Variants in ECT2 observed in about 807,000 individuals in gnomAD.
ECT2 encodes protein ECT2.
In ECT2, 61 loss-of-function variants were observed where a neutral mutation model predicts 116.9. The ratio of observed to expected loss-of-function variants is 0.52; its 90% CI spans 0.42 to 0.65. The LOEUF (loss-of-function observed/expected upper bound fraction) is 0.65. Ranked by LOEUF, ECT2 falls within the 30% of genes least tolerant of loss-of-function variation. The probability of loss-of-function intolerance (pLI) is 0.00; values close to 1 mark genes in which losing one functional copy is unlikely to be tolerated. For missense variants in ECT2, 937 were observed against 1,078.7 expected (o/e 0.87, Z 1.84); for synonymous variants, 358 against 346.4 (o/e 1.03, Z -0.37).
rs1719404308 is a variant in ECT2, at chr3:172,766,440, G to A, written c.1291+1940G>A. Among the ~76,000 whole-genome samples the A allele has an allele frequency of 2.6e-5, 4 of 152,206 alleles. No individual in the cohort carries two copies. In the South Asian group the frequency reaches 8.3e-4, roughly 32 times the overall value. ...TGATTGAATAGATAATTCATAGAGA[G>A]TTGTTCTGAAGAATGATTAGAAGGA... On this transcript the variant is annotated intron_variant, in intron 12 of 24. Transcript: ENST00000392692.
chr3:172,803,953 C>G (rs756249379), intron 20 of ECT2, among the ~76,000 whole-genome samples: 1 of 151,890 alleles, frequency 6.6e-6, no homozygotes, highest in African/African-American at 2.4e-5. Flanking sequence ...TATAGACACT[C>G]GCCACCACAC....
At chr3:172,797,706 C>G (rs1342658668) in intron 18 of ECT2, among the ~76,000 whole-genome samples, 1 of 152,072 alleles carries the variant, frequency 6.6e-6, no homozygotes, top group Non-Finnish European at 1.5e-5. Flanking sequence ...TTTTTCTTTG[C>G]CTTTTTGATA....
In ECT2 at chr3:172,802,268, C is replaced by T. The variant is rs1726856862; in HGVS notation, c.1908-348C>T. On this transcript the variant is annotated intron_variant, in intron 18 of 24. Coordinates refer to ENST00000392692, the MANE Select transcript of ECT2 (RefSeq NM_001258315.2). Reference sequence around the variant, plus strand: ...AGCTGGGATTACAGGTGCCTGCCACCATACCCAGCTAATTTTTGTATTTTT... The same window carrying T: ...AGCTGGGATTACAGGTGCCTGCCACTATACCCAGCTAATTTTTGTATTTTT... 1.3e-5 allele frequency among the ~76,000 whole-genome samples: 2 copies of T among 152,020 alleles called. 1 individual carries two copies. Among genetic ancestry groups the T allele is most frequent in the South Asian group, 4.2e-4 (2 of 4,808 alleles).
chr3:172,798,643 T>A (rs978280706), intron 18 of ECT2, among the ~76,000 whole-genome samples: 2 of 152,138 alleles, frequency 1.3e-5, no homozygotes, highest in East Asian at 1.9e-4. Flanking sequence ...CTTAAGAAAA[T>A]CTCTCTCAAG....
chr3:172,769,007 A>G lies in ECT2; in HGVS notation c.1292A>G (p.Asp431Gly). ...NTPESSINYG[D>G]TPKSCTKSSK... is the part of the protein sequence containing the mutation. ...ATCTTTCCACCTTTTAACGTTTCAG[A>G]CACCCCAAAGTCTTGTACTAAGTCT... Residue 431 changes from aspartate (D) to glycine (G), a missense_variant and splice_region_variant, in exon 13 of 25, where the codon GAC (aspartate) becomes GGC (glycine). Transcript: ENST00000392692. The G allele has an allele frequency of 6.3e-7, 1 of 1,595,150 alleles. No individual in the cohort carries two copies. Among genetic ancestry groups the G allele is most frequent in the East Asian group, 2.2e-5 (1 of 44,560 alleles).
intron 14 of ECT2, among the ~76,000 whole-genome samples, chr3:172,774,535 G>A (rs2108537274): frequency 6.6e-6 from 1 of 152,020 alleles, no homozygotes. Flanking sequence ...TCTCACCCAG[G>A]CTAGCGTGCA....
chr3:172,791,606 C>T (rs1054133552), intron 18 of ECT2, among the ~76,000 whole-genome samples: 34 of 152,200 alleles, frequency 2.2e-4, no homozygotes, highest in African/African-American at 8.2e-4. Context: ...TCAGACTTTT[C>T]TTCTGCAGCT....
At position 172,807,739 on chromosome 3, in the gene ECT2, C is replaced by T. The variant is rs188235715; in HGVS notation, c.2246-31C>T. On this transcript the variant is annotated intron_variant, in intron 21 of 24. Transcript: ENST00000392692. ...ATCTGTCATTTTCCAAGGAGTGACA[C>T]TTAATGTTTATGGTTATTCTGGAAC... The T allele has an allele frequency of 1.3e-4, 213 of 1,588,940 alleles. 2 individuals are homozygous for T. The highest frequency in any genetic ancestry group is 4.3e-4 in the South Asian group (37 of 86,220).
chr3:172,816,262 G>T (rs1356561396), intron 23 of ECT2, among the ~76,000 whole-genome samples: 1 of 151,922 alleles, frequency 6.6e-6, no homozygotes, highest in Non-Finnish European at 1.5e-5. Flanking sequence ...TCCCTTGGTG[G>T]GGGGGCTTTG....
chr3:172,751,304 G>T (rs1715747966), intron 1 of ECT2, among the ~76,000 whole-genome samples: 1 of 152,176 alleles, frequency 6.6e-6, no homozygotes, highest in South Asian at 2.1e-4. Context: ...CAGGCCATCC[G>T]CCCCTCGTCC....
At chr3:172,806,640 G>T (rs796871762) in intron 21 of ECT2, among the ~76,000 whole-genome samples, 604 of 62,486 alleles carry the variant, frequency 9.7e-3, no homozygotes, top group Middle Eastern at 0.021. Context: ...TTCTTTCTTT[G>T]TTTTTTGTGG....
In ECT2 at chr3:172,762,901, C is replaced by G; in HGVS notation, c.1006-9C>G. 1.2e-6 allele frequency: 2 copies of G among 1,612,930 alleles called. No individual in the cohort carries two copies. Among genetic ancestry groups the G allele is most frequent in the Non-Finnish European group, 1.7e-6 (2 of 1,179,544 alleles). ...AACTGTTTATTAAAATGTTTTTTCT[C>G]TCACCTAGTGGTTCTGGGGAAGCAT... is the stretch of plus-strand genomic sequence containing the variant. On this transcript the variant is annotated splice_polypyrimidine_tract_variant and intron_variant, in intron 10 of 24. Coordinates refer to ENST00000392692, the MANE Select transcript of ECT2 (RefSeq NM_001258315.2).
At chr3:172,791,176 T>C (rs144571760) in intron 18 of ECT2, among the ~76,000 whole-genome samples, 2,008 of 152,252 alleles carry the variant, frequency 0.013, 23 homozygotes, top group Non-Finnish European at 0.02. Flanking sequence ...TAGTAAACCA[T>C]GGTGATGTGC....
chr3:172,813,677 GTTTTTCGAGC>G (rs1416080929), intron 22 of ECT2, among the ~76,000 whole-genome samples: 2 of 151,976 alleles, frequency 1.3e-5, no homozygotes, highest in Admixed American at 6.6e-5. Context: ...ACCACCATCT[GTTTTTCGAGC>G]TTTTTCATCT....
chr3:172,805,605 T>G, intron 20 of ECT2, 126 bp from the exon 21 acceptor site: 1 of 955,812 alleles, frequency 1.0e-6, no homozygotes, highest in Non-Finnish European at 1.5e-6. Flanking sequence ...TTATAACAAC[T>G]TTGTAACGAA....
intron 20 of ECT2, among the ~76,000 whole-genome samples, chr3:172,803,706 ACTTT>A (rs938287603): frequency 6.6e-6 from 1 of 151,174 alleles, no homozygotes; most frequent in Non-Finnish European, 1.5e-5. Context: ...GTCACTGGAA[ACTTT>A]CTGTTACCTT....
intron 22 of ECT2, among the ~76,000 whole-genome samples, chr3:172,814,057 G>A (rs116020539): frequency 1.1e-3 from 166 of 152,074 alleles, no homozygotes; most frequent in Middle Eastern, 3.4e-3. Flanking sequence ...ACATTTACAA[G>A]TACTATTAAC....
Position 172,766,349 on chromosome 3 carries a change from G to A in ECT2, c.1291+1849G>A, listed in dbSNP as rs373295484. Among the ~76,000 whole-genome samples, 26 of 152,196 alleles carry A rather than the reference G, an allele frequency of 1.7e-4. No homozygotes were observed. In the East Asian group the frequency reaches 4.8e-3, roughly 28 times the overall value. ...TATTAGGTCACTTTCAAATAAGACTGTAATATCTGAACTGTATATTGTCAT... is the reference window on the plus strand; with the variant it reads ...TATTAGGTCACTTTCAAATAAGACTATAATATCTGAACTGTATATTGTCAT... On this transcript the variant is annotated intron_variant, in intron 12 of 24. Transcript: ENST00000392692.
intron 7 of ECT2, among the ~76,000 whole-genome samples, chr3:172,760,949 G>T (rs546187016): frequency 6.6e-6 from 1 of 151,898 alleles, no homozygotes; most frequent in Non-Finnish European, 1.5e-5. Flanking sequence ...TCAAACTCCC[G>T]ACCTCAGGTG....
Sources: allele counts gnomAD v4.1 joint callset (sites outside exome capture counted in the v4.1 genomes callset), GRCh38; gene constraint gnomAD v4.1.1; transcripts MANE v1.5; gene names NCBI Gene and HGNC (gene_info 2026-07-23, HGNC 2026-07-21).